CHCHD6: variants seen among roughly 807,000 people sequenced by gnomAD.
CHCHD6 encodes the protein coiled-coil-helix-coiled-coil-helix domain containing 6.
In CHCHD6, 28 loss-of-function variants were observed where a neutral mutation model predicts 32.3. The ratio of observed to expected loss-of-function variants is 0.87; its 90% confidence interval spans 0.64 to 1.19. The LOEUF is 1.19. Ranked by LOEUF, CHCHD6 falls within the 50% of genes most tolerant of loss-of-function variation. The pLI, the probability that CHCHD6 is intolerant of heterozygous loss-of-function variation, is 0.00. For synonymous variants in CHCHD6, 122 were observed against 117.5 expected (o/e 1.04, Z -0.25); for missense variants, 333 against 307.0 (o/e 1.08, Z -0.63).
intron 5 of CHCHD6, 145 bp downstream of exon 5, chr3:126,852,875 C>T: frequency 1.6e-6 from 1 of 607,094 alleles, no homozygotes; most frequent in Non-Finnish European, 3.0e-6. Context: ...ACATGCCCTC[C>T]TGCATTCTGC....
rs184921261 is a variant in CHCHD6, at chr3:126,871,629, G to A, written c.495+18899G>A. ...GATTTTTAGGCTCGTTGGAGCTGAG[G>A]ACAGCTTATGCTCTTCCCCCCGACC... On this transcript the variant is annotated intron_variant, in intron 5 of 7. Coordinates refer to ENST00000290913, the MANE Select transcript of CHCHD6 (RefSeq NM_032343.3). 2.6e-5 allele frequency among the ~76,000 whole-genome samples: 4 copies of A among 151,138 alleles called. No homozygotes were observed. The East Asian group carries it at 7.8e-4, about 29-fold the overall frequency.
chr3:126,704,522 G>C (rs1214743809), intron 1 of CHCHD6, 123 bp downstream of exon 1: 2 of 562,132 alleles, frequency 3.6e-6, no homozygotes, highest in Non-Finnish European at 5.6e-6. Flanking sequence ...GGGAGACTCC[G>C]GGGGCTCAGG....
chr3:126,790,380 G>A (rs1407584322), intron 4 of CHCHD6, among the ~76,000 whole-genome samples: 1 of 152,160 alleles, frequency 6.6e-6, no homozygotes, highest in Admixed American at 6.5e-5. Context: ...GCCTTGCTAG[G>A]TTGGGGAAGT....
At chr3:126,885,947 A>T (rs945579603) in intron 5 of CHCHD6, among the ~76,000 whole-genome samples, 2 of 152,168 alleles carry the variant, frequency 1.3e-5, no homozygotes, top group African/African-American at 4.8e-5. Flanking sequence ...GGGGGAACCA[A>T]GCCTCCTGAG....
intron 4 of CHCHD6, among the ~76,000 whole-genome samples, chr3:126,803,837 A>G (rs1347387994): frequency 1.3e-5 from 2 of 152,204 alleles, no homozygotes; most frequent in Non-Finnish European, 2.9e-5. Flanking sequence ...AGCAAATGTA[A>G]AAGAACAGAA....
At chr3:126,839,237 C>T (rs748860296) in intron 4 of CHCHD6, among the ~76,000 whole-genome samples, 26 of 152,022 alleles carry the variant, frequency 1.7e-4, no homozygotes, top group Non-Finnish European at 2.9e-4. Flanking sequence ...TGGAATAAAG[C>T]GGTAACACAA....
chr3:126,825,456 T>C (rs1940348564), intron 4 of CHCHD6, among the ~76,000 whole-genome samples: 1 of 152,212 alleles, frequency 6.6e-6, no homozygotes, highest in Non-Finnish European at 1.5e-5. Flanking sequence ...ATTCAGATTT[T>C]CTCTTTTTCT....
At chr3:126,747,103 C>G (rs1936537943) in intron 4 of CHCHD6, among the ~76,000 whole-genome samples, 1 of 152,174 alleles carries the variant, frequency 6.6e-6, no homozygotes, top group Non-Finnish European at 1.5e-5. Flanking sequence ...TGCTTCTCTT[C>G]CGAGACAGCC....
chr3:126,831,154 G>C (rs1018553168), intron 4 of CHCHD6, among the ~76,000 whole-genome samples: 3 of 152,176 alleles, frequency 2.0e-5, no homozygotes, highest in Middle Eastern at 3.4e-3. Context: ...CTCCCGTGTA[G>C]CTGGGACTAC....
At chr3:126,873,455 G>A (rs1445348772) in intron 5 of CHCHD6, among the ~76,000 whole-genome samples, 1 of 152,204 alleles carries the variant, frequency 6.6e-6, no homozygotes, top group Non-Finnish European at 1.5e-5. Flanking sequence ...TTCATTGTCT[G>A]AGGTCAGAAA....
chr3:126,853,035 C>T (rs961922026), intron 5 of CHCHD6, among the ~76,000 whole-genome samples: 11 of 152,058 alleles, frequency 7.2e-5, no homozygotes, highest in East Asian at 5.8e-4. Context: ...CACCACAGGG[C>T]GGTGCTGAGT....
intron 4 of CHCHD6, among the ~76,000 whole-genome samples, chr3:126,779,713 C>T (rs1937839164): frequency 6.6e-6 from 1 of 152,088 alleles, no homozygotes; most frequent in South Asian, 2.1e-4. Flanking sequence ...ACTAGTCTTT[C>T]CCCATTGAGT....
chr3:126,927,677 G>T (rs1383691202), intron 6 of CHCHD6, among the ~76,000 whole-genome samples: 2 of 152,232 alleles, frequency 1.3e-5, no homozygotes, highest in Admixed American at 1.3e-4. Flanking sequence ...AATGGCTGGG[G>T]TTCTTCTCCT....
At chr3:126,880,805 G>A (rs1404214251) in intron 5 of CHCHD6, among the ~76,000 whole-genome samples, 1 of 152,210 alleles carries the variant, frequency 6.6e-6, no homozygotes, top group African/African-American at 2.4e-5. Context: ...ACTGGAAAAT[G>A]TGTACTCAAG....
chr3:126,952,019 G>A (rs989330091), intron 6 of CHCHD6, among the ~76,000 whole-genome samples: 7 of 152,146 alleles, frequency 4.6e-5, no homozygotes, highest in Admixed American at 2.6e-4. Flanking sequence ...GGCCTGCTTG[G>A]GATTAAATGA....
chr3:126,752,941 G>A (rs1279662987), intron 4 of CHCHD6, among the ~76,000 whole-genome samples: 4 of 152,104 alleles, frequency 2.6e-5, no homozygotes, highest in Admixed American at 2.0e-4. Context: ...CCTAGACCTC[G>A]TAAGTCACAT....
chr3:126,717,068 A>G (rs1024899877), intron 1 of CHCHD6, among the ~76,000 whole-genome samples: 3 of 152,172 alleles, frequency 2.0e-5, no homozygotes, highest in Admixed American at 6.5e-5. Flanking sequence ...CACAGCAGTT[A>G]AGCACGCAGG....
intron 6 of CHCHD6, among the ~76,000 whole-genome samples, chr3:126,945,164 C>T (rs758930361): frequency 5.3e-5 from 8 of 151,904 alleles, no homozygotes; most frequent in Non-Finnish European, 7.4e-5. Flanking sequence ...AGAGCAGGCA[C>T]GGGCGGCTCT....
intron 5 of CHCHD6, among the ~76,000 whole-genome samples, chr3:126,914,450 AC>A (rs1414052813): frequency 6.6e-6 from 1 of 152,168 alleles, no homozygotes; most frequent in Non-Finnish European, 1.5e-5. Context: ...TGGTCTGCCA[AC>A]CCCTGAGCTA....
Sources: allele counts gnomAD v4.1 joint callset (sites outside exome capture counted in the v4.1 genomes callset), GRCh38; gene constraint gnomAD v4.1.1; transcripts MANE v1.5; gene names NCBI Gene and HGNC (gene_info 2026-07-23, HGNC 2026-07-21).